The following ERF variants were observed in gnomAD, a reference collection of about 807,000 sequenced individuals.
ERF encodes the protein ETS domain-containing transcription factor ERF.
A neutral mutation model predicts 41.6 loss-of-function variants in ERF; 10 were observed. The observed-to-expected ratio is 0.24, with a 90% CI of 0.15 to 0.41. The LOEUF (loss-of-function observed/expected upper bound fraction) is 0.41. Among genes scored for constraint, ERF ranks in the 10% least tolerant of loss-of-function variants. ERF has a pLI of 1.00. For synonymous variants in ERF, 395 were observed against 342.4 expected (o/e 1.15, Z -1.70); for missense variants, 621 against 763.2 (o/e 0.81, Z 2.19).
At chr19:42,254,202 G>A (rs1364366256) in intron 1 of ERF, among the ~76,000 whole-genome samples, 2 of 151,216 alleles carry the variant, frequency 1.3e-5, no homozygotes, top group African/African-American at 4.9e-5. Flanking sequence ...CCCGCTGAAA[G>A]AGAAGAGGTG....
intron 1 of ERF, among the ~76,000 whole-genome samples, chr19:42,252,617 C>A (rs1045913961): frequency 1.3e-5 from 2 of 152,164 alleles, no homozygotes; most frequent in Non-Finnish European, 2.9e-5. Context: ...TCCTCCAGGG[C>A]CTGGACCCTG....
rs1387580983 is a variant in ERF, at chr19:42,249,430, C to G, written c.682G>C (p.Asp228His). ...GGATAGACTCGGAAGACACCAGGGT[C>G]ATGGGGCAGGCGGGCCAGCGGGGGC... ...RGPPLARLPH[D>H]PGVFRVYPRP... The change falls in exon 4 of 4, where the codon GAC becomes CAC. Residue 228 changes from aspartate to histidine, a missense_variant. Physicochemically the swap from Asp to His is moderately conservative, Grantham distance 81. Coordinates refer to ENST00000222329, the MANE Select transcript of ERF (RefSeq NM_006494.4). This position sits in a 1 kb window ranked among gnomAD's most constrained non-coding sequence, Gnocchi z 8.6. 1 of 1,592,322 alleles carries G rather than the reference C, an allele frequency of 6.3e-7. No homozygotes were observed. Among genetic ancestry groups the G allele is most frequent in the Non-Finnish European group, 8.5e-7 (1 of 1,169,872 alleles).
At position 42,250,162 on chromosome 19, in the gene ERF, G is replaced by T. The variant is rs1185599810; in HGVS notation, c.257+169C>A. The T allele has an allele frequency of 5.0e-6, 4 of 794,192 alleles. No individual in the cohort carries two copies. Among genetic ancestry groups the T allele is most frequent in the Admixed American group, 2.5e-5 (1 of 39,692 alleles). The allele number at this position is 794,192 out of a possible 1,614,324, so 49.2% of individuals were successfully genotyped here. A position where few individuals can be genotyped will look rare whatever the true frequency, so the allele number is the denominator to read the frequency against. On this transcript the variant is annotated intron_variant, in intron 2 of 3. Coordinates refer to ENST00000222329, the MANE Select transcript of ERF (RefSeq NM_006494.4). The surrounding 1 kb of genome is among the most constrained non-coding windows in gnomAD (Gnocchi z 5.1). ...TGACTGTAATCTCTCCTCAGGATAC[G>T]TCTGTGTTACCAAGGGGCTCAGGGA...
rs1469901628 is a variant in ERF at position 42,248,618 on chromosome 19, C to A, written c.1494G>T (p.Gly498=). Residue 498 remains glycine, a synonymous_variant, in exon 4 of 4, where the codon GGG becomes GGT. Transcript: ENST00000222329. This position sits in a 1 kb window ranked among gnomAD's most constrained non-coding sequence, Gnocchi z 4.2. ...WSEDCRLEGG[G]GPAGGFEDEG... ...CATCCTCAAAGCCCCCAGCGGGGCC[C>A]CCACCCCCTTCGAGGCGACAGTCTT... 3 of 1,583,552 alleles carry A rather than the reference C, an allele frequency of 1.9e-6. No individual in the cohort carries two copies. Among genetic ancestry groups the A allele is most frequent in the South Asian group, 2.3e-5 (2 of 87,266 alleles).
chr19:42,254,174 G>A (rs1412933569), intron 1 of ERF, among the ~76,000 whole-genome samples: 2 of 151,810 alleles, frequency 1.3e-5, no homozygotes, highest in African/African-American at 2.4e-5. Flanking sequence ...GGAAGAGAGG[G>A]GCGGAGGGAA....
chr19:42,249,318 G>A lies in ERF; in HGVS notation c.794C>T (p.Ser265Phe). 1 of 1,590,954 alleles carries A rather than the reference G, an allele frequency of 6.3e-7. No individual in the cohort carries two copies. The highest frequency in any genetic ancestry group is 1.1e-5 in the South Asian group (1 of 88,892). The change falls in exon 4 of 4, where the codon TCC becomes TTC. Residue 265 changes from serine to phenylalanine, a missense_variant. Physicochemically the swap from Ser to Phe is radical, Grantham distance 155 (BLOSUM62 -2). Coordinates refer to ENST00000222329, the MANE Select transcript of ERF (RefSeq NM_006494.4). This position sits in a 1 kb window ranked among gnomAD's most constrained non-coding sequence, Gnocchi z 8.6. ...GGTGGGCGTCATGGGCAGAGCCGGG[G>A]AGAGCTGAGGGGGCAGCAGGGATCC... ...GPGSLLPPQL[S>F]PALPMTPTHL...
In ERF at chr19:42,248,819, C is replaced by A. The variant is rs1050195236; in HGVS notation, c.1293G>T (p.Ser431=). ...PPPQIKVEPI[S]EGESEEVEVT... is the part of the protein sequence containing the mutation. ...CCTCTACCTCCTCCGACTCGCCTTC[C>A]GAGATGGGCTCCACCTTGATCTGTG... The change falls in exon 4 of 4, where the codon TCG becomes TCT. Residue 431 remains serine, a synonymous_variant. Transcript: ENST00000222329. This position sits in a 1 kb window ranked among gnomAD's most constrained non-coding sequence, Gnocchi z 4.2. The A allele has an allele frequency of 6.2e-7, 1 of 1,613,220 alleles. No individual in the cohort carries two copies. Among genetic ancestry groups the A allele is most frequent in the Non-Finnish European group, 8.5e-7 (1 of 1,179,872 alleles).
At chr19:42,254,118 G>T (rs896779229) in intron 1 of ERF, among the ~76,000 whole-genome samples, 4 of 151,812 alleles carry the variant, frequency 2.6e-5, no homozygotes, top group Admixed American at 6.5e-5. Context: ...CCCGCCGACC[G>T]AGGGGGAGGG....
Position 42,255,124 on chromosome 19 carries a change from C to T in ERF, c.-125G>A, listed in dbSNP as rs1599830687. The T allele has an allele frequency of 2.5e-6, 2 of 809,458 alleles. No homozygotes were observed. 50.1% of individuals were successfully genotyped at this position (809,458 alleles called of 1,614,324 possible). A position where few individuals can be genotyped will look rare whatever the true frequency, so the allele number is the denominator to read the frequency against. On this transcript the variant is annotated 5_prime_UTR_variant, in exon 1 of 4. Coordinates refer to ENST00000222329, the MANE Select transcript of ERF (RefSeq NM_006494.4). ...CTCACCCGGCCTCGCCTCTCAGAGC[C>T]TCTCCCCTCCCCGCCGCCGCCTCCC...
In ERF at chr19:42,249,095, C is replaced by G; in HGVS notation, c.1017G>C (p.Val339=). ...ACTTGTCAGGGCGCTGGGGCTGGGG[C>G]ACCACCAGCCCAGGGTAGTGCAGGA... ...RAFLHYPGLV[V]PQPQRPDKCP... Residue 339 remains valine, a synonymous_variant, in exon 4 of 4, where the codon GTG becomes GTC. Coordinates refer to ENST00000222329, the MANE Select transcript of ERF (RefSeq NM_006494.4). The surrounding 1 kb of genome is among the most constrained non-coding windows in gnomAD (Gnocchi z 8.6). 1 of 1,613,624 alleles carries G rather than the reference C, an allele frequency of 6.2e-7. No homozygotes were observed. The highest frequency in any genetic ancestry group is 1.7e-4 in the Middle Eastern group (1 of 6,060).
intron 1 of ERF, chr19:42,251,117 G>A (rs1337825359): frequency 1.8e-5 from 12 of 665,358 alleles, no homozygotes; most frequent in South Asian, 1.3e-4. Flanking sequence ...GGGGTGACTC[G>A]GTTGCCGATG....
In ERF at chr19:42,249,080, G is replaced by A; in HGVS notation, c.1032C>T (p.Arg344=). 1 of 1,613,486 alleles carries A rather than the reference G, an allele frequency of 6.2e-7. No homozygotes were observed. Among genetic ancestry groups the A allele is most frequent in the Non-Finnish European group, 8.5e-7 (1 of 1,179,832 alleles). ...TGGGCGGCAGCGGGCACTTGTCAGG[G>A]CGCTGGGGCTGGGGCACCACCAGCC... is the stretch of plus-strand genomic sequence containing the variant. The part of the protein sequence containing the change: ...YPGLVVPQPQ[R]PDKCPLPPMA... The change falls in exon 4 of 4, where the codon CGC becomes CGT. Residue 344 remains arginine (R), a synonymous_variant. Coordinates refer to ENST00000222329, the MANE Select transcript of ERF (RefSeq NM_006494.4). This position sits in a 1 kb window ranked among gnomAD's most constrained non-coding sequence, Gnocchi z 8.6.
intron 1 of ERF, among the ~76,000 whole-genome samples, chr19:42,252,824 G>A (rs554887687): frequency 3.3e-5 from 5 of 152,200 alleles, no homozygotes; most frequent in Non-Finnish European, 5.9e-5. Context: ...GGCAAGGGGA[G>A]CATGTGTGAG....
chr19:42,248,606 C>T lies in ERF; in HGVS notation c.1506G>A (p.Gly502=). ...CRLEGGGGPA[G]GFEDEGEDKK... ...TGTCCTCACCCTCATCCTCAAAGCC[C>T]CCAGCGGGGCCCCCACCCCCTTCGA... Residue 502 remains glycine, a synonymous_variant, in exon 4 of 4, where the codon GGG becomes GGA. Coordinates refer to ENST00000222329, the MANE Select transcript of ERF (RefSeq NM_006494.4). This position sits in a 1 kb window ranked among gnomAD's most constrained non-coding sequence, Gnocchi z 4.2. 1 of 1,580,768 alleles carries T rather than the reference C, an allele frequency of 6.3e-7. No homozygotes were observed. Among genetic ancestry groups the T allele is most frequent in the Non-Finnish European group, 8.6e-7 (1 of 1,161,968 alleles).
Position 42,250,371 on chromosome 19 carries a change from T to A in ERF, c.217A>T (p.Lys73Ter), listed in dbSNP as rs777544599. 6.2e-7 allele frequency: 1 copy of A among 1,614,058 alleles called. No homozygotes were observed. Among genetic ancestry groups the A allele is most frequent in the Admixed American group, 1.7e-5 (1 of 60,018 alleles). Residue 73 changes from lysine to a stop codon, truncating the protein, a stop_gained, in exon 2 of 4, where the codon AAG becomes TAG. Coordinates refer to ENST00000222329, the MANE Select transcript of ERF (RefSeq NM_006494.4). LOFTEE classifies it high-confidence loss of function. This position sits in a 1 kb window ranked among gnomAD's most constrained non-coding sequence, Gnocchi z 5.1. ...VARLWGVRKC[K>*]PQMNYDKLSR... ...AGCTTGTCGTAATTCATCTGGGGCTTGCACTTGCGAACGCCCCACAGCCGG... is the reference window on the plus strand; with the variant it reads ...AGCTTGTCGTAATTCATCTGGGGCTAGCACTTGCGAACGCCCCACAGCCGG...
rs778205341 is a variant in ERF at position 42,249,735 on chromosome 19, C to A, written c.377G>T (p.Gly126Val). The A allele has an allele frequency of 3.1e-6, 5 of 1,604,550 alleles. No homozygotes were observed. The highest frequency in any genetic ancestry group is 4.3e-6 in the Non-Finnish European group (5 of 1,173,904). The stretch of plus-strand genomic sequence containing the variant: ...TGGCGGGGCACTCTGGGGCACTGCA[C>A]CCCCTGGCAGAAGGGAGACAGTGTC... The part of the protein sequence containing the change: ...YPFIDVGLAG[G>V]AVPQSAPPVP... The change falls in exon 4 of 4, where the codon GGT (glycine) becomes GTT (valine). Residue 126 changes from glycine to valine, a missense_variant. This residue lies in a region of ERF where 569 missense variants were observed against 625.5 expected (regional missense o/e 0.91). Coordinates refer to ENST00000222329, the MANE Select transcript of ERF (RefSeq NM_006494.4). The surrounding 1 kb of genome is among the most constrained non-coding windows in gnomAD (Gnocchi z 8.6).
At chr19:42,251,022 C>T (rs949873454) in intron 1 of ERF, among the ~76,000 whole-genome samples, 5 of 152,068 alleles carry the variant, frequency 3.3e-5, no homozygotes, top group Non-Finnish European at 7.4e-5. Context: ...CTGTCTCCTC[C>T]GAAGACCCAA....
At chr19:42,251,512 T>C in intron 1 of ERF, 3 of 240,700 alleles carry the variant, frequency 1.2e-5, no homozygotes, top group South Asian at 1.8e-4. Flanking sequence ...CATCAATAAT[T>C]CAGCACCAGG....
Position 42,249,300 on chromosome 19 carries a change from G to A in ERF, c.812C>T (p.Thr271Met). The change falls in exon 4 of 4, where the codon ACG becomes ATG. Residue 271 changes from threonine to methionine, a missense_variant. By Grantham distance (81) the Thr-to-Met change is moderately conservative (BLOSUM62 -1). This residue lies in a region of ERF where 569 missense variants were observed against 625.5 expected (regional missense o/e 0.91). Transcript: ENST00000222329. The surrounding 1 kb of genome is among the most constrained non-coding windows in gnomAD (Gnocchi z 8.6). ...PPQLSPALPM[T>M]PTHLAYTPSP... is the part of the protein sequence containing the mutation. ...GGGAGTGTAGGCCAGGTGGGTGGGC[G>A]TCATGGGCAGAGCCGGGGAGAGCTG... is the stretch of plus-strand genomic sequence containing the variant. 6.3e-7 allele frequency: 1 copy of A among 1,598,982 alleles called. No individual in the cohort carries two copies. The highest frequency in any genetic ancestry group is 8.5e-7 in the Non-Finnish European group (1 of 1,172,928).
Sources: gnomAD v4.1 joint callset for allele counts (sites outside exome capture counted in the v4.1 genomes callset) on GRCh38, gnomAD v4.1.1 for gene constraint, gnomAD v4.1.1 regional missense constraint, Gnocchi (gnomAD v3.1) non-coding constraint, MANE v1.5 for transcripts, NCBI Gene and HGNC (gene_info 2026-07-23, HGNC 2026-07-21) for gene names.